The following CCDC88A variants were observed in gnomAD, a reference collection of about 807,000 sequenced individuals.
The protein encoded by CCDC88A is girdin.
CCDC88A carries 54 observed loss-of-function variants against 234.3 expected under a neutral mutation model. That is an observed-to-expected ratio of 0.23 (90% CI 0.19 to 0.29). The LOEUF (loss-of-function observed/expected upper bound fraction) is 0.29. Among genes scored for constraint, CCDC88A ranks in the 10% least tolerant of loss-of-function variants. CCDC88A has a pLI of 1.00. For missense variants in CCDC88A, 1,832 were observed against 2,123.4 expected, an observed-to-expected ratio of 0.86 and a Z score of 2.70; for synonymous variants, 753 against 737.8, an observed-to-expected ratio of 1.02 and a Z score of -0.33.
chr2:55,391,229 T>C (rs1266518680), intron 2 of CCDC88A, among the ~76,000 whole-genome samples: 4 of 152,134 alleles, frequency 2.6e-5, no homozygotes, highest in African/African-American at 4.8e-5. Flanking sequence ...AATCAGCAGC[T>C]GAGTAAAAGC....
chr2:55,418,995 C>T (rs746278940), intron 1 of CCDC88A, 22 bp downstream of exon 1: 20 of 1,605,978 alleles, frequency 1.2e-5, no homozygotes, highest in Middle Eastern at 3.3e-4. Context: ...GCAAAATATA[C>T]AATAAAGGAC....
Position 55,339,620 on chromosome 2 carries a change from C to G in CCDC88A, c.1362G>C (p.Val454=). 1 of 1,609,448 alleles carries G rather than the reference C, an allele frequency of 6.2e-7. No individual in the cohort carries two copies. The highest frequency in any genetic ancestry group is 8.5e-7 in the Non-Finnish European group (1 of 1,178,690). The change falls in exon 13 of 33, where the codon GTG becomes GTC. Residue 454 remains valine, a synonymous_variant. Coordinates refer to ENST00000436346, the MANE Select transcript of CCDC88A (RefSeq NM_001365480.1). ...ATAATCTACTTGATGTCAACTCATTCACCTCATGGCCCAGGGATTTCTGGG... is the reference window on the plus strand; with the variant it reads ...ATAATCTACTTGATGTCAACTCATTGACCTCATGGCCCAGGGATTTCTGGG... ...EAPQKSLGHE[V]NELTSSRLLK...
At chr2:55,306,765 G>A (rs1420920495) in intron 25 of CCDC88A, among the ~76,000 whole-genome samples, 1 of 151,902 alleles carries the variant, frequency 6.6e-6, no homozygotes, top group African/African-American at 2.4e-5. Context: ...TAGTAGACAC[G>A]AAGTTTCACC....
intron 17 of CCDC88A, among the ~76,000 whole-genome samples, chr2:55,327,672 T>G (rs150149661): frequency 1.7e-4 from 26 of 152,304 alleles, no homozygotes; most frequent in African/African-American, 5.8e-4. Flanking sequence ...GCAGAGATGA[T>G]AAAAGGGTGA....
At chr2:55,381,294 A>G (rs1328259607) in intron 3 of CCDC88A, among the ~76,000 whole-genome samples, 2 of 152,084 alleles carry the variant, frequency 1.3e-5, no homozygotes, top group Non-Finnish European at 2.9e-5. Context: ...GGTACACAAG[A>G]CTGGCTGAGC....
At chr2:55,296,697 C>G in intron 29 of CCDC88A, 174 bp from the exon 30 acceptor site, 1 of 629,308 alleles carries the variant, frequency 1.6e-6, no homozygotes, top group East Asian at 2.8e-5. Flanking sequence ...TAACAATTGT[C>G]TGCCATAGCC....
intron 23 of CCDC88A, among the ~76,000 whole-genome samples, chr2:55,311,956 G>A (rs1682402087): frequency 6.6e-6 from 1 of 152,068 alleles, no homozygotes; most frequent in Non-Finnish European, 1.5e-5. Flanking sequence ...GCTCCAGAAA[G>A]AACAATTAAT....
chr2:55,342,770 C>G (rs911468123), intron 12 of CCDC88A, among the ~76,000 whole-genome samples: 1 of 152,074 alleles, frequency 6.6e-6, no homozygotes, highest in Non-Finnish European at 1.5e-5. Context: ...GGTAATTATT[C>G]TGTAAGCACT....
At position 55,291,782 on chromosome 2, in the gene CCDC88A, G is replaced by A. The variant is rs1679473860; in HGVS notation, c.5552-7C>T. On this transcript the variant is annotated splice_polypyrimidine_tract_variant and splice_region_variant and intron_variant, in intron 31 of 32. Transcript: ENST00000436346. ...TCTTGTACTTTGTCCACATCTGCAG[G>A]AGAAAAGCATTTCATGTTATTTAGT... 6.2e-7 allele frequency: 1 copy of A among 1,606,526 alleles called. No homozygotes were observed. Among genetic ancestry groups the A allele is most frequent in the Non-Finnish European group, 8.5e-7 (1 of 1,174,880 alleles).
Position 55,301,973 on chromosome 2 carries a change from C to T in CCDC88A, c.4571G>A (p.Arg1524Lys), listed in dbSNP as rs2104572741. ...VPDDISTGKR[R>K]KELGAMAFST... ...GAAGGCCATAGCTCCCAATTCTTTT[C>T]TCCTTTTACCCGTTGAAATATCATC... The change falls in exon 27 of 33, where the codon AGA becomes AAA. Residue 1524 changes from arginine to lysine, a missense_variant. This residue lies in a region of CCDC88A where 422 missense variants were observed against 416.5 expected (regional missense o/e 1.01). Coordinates refer to ENST00000436346, the MANE Select transcript of CCDC88A (RefSeq NM_001365480.1). 1.2e-6 allele frequency: 2 copies of T among 1,614,120 alleles called. No individual in the cohort carries two copies. The highest frequency in any genetic ancestry group is 1.7e-6 in the Non-Finnish European group (2 of 1,179,970).
chr2:55,333,666 G>A (rs138368989), intron 15 of CCDC88A, among the ~76,000 whole-genome samples: 13 of 152,002 alleles, frequency 8.6e-5, no homozygotes, highest in Non-Finnish European at 1.8e-4. Context: ...GTATATATGT[G>A]TGTATATATA....
At chr2:55,413,682 G>T (rs561789999) in intron 2 of CCDC88A, among the ~76,000 whole-genome samples, 71 of 152,228 alleles carry the variant, frequency 4.7e-4, no homozygotes, top group South Asian at 4.2e-3. Flanking sequence ...ATAGAGTCAA[G>T]CAAAGAGTCA....
chr2:55,293,765 C>T (rs1456942723), intron 31 of CCDC88A: 1 of 152,056 alleles, frequency 6.6e-6, no homozygotes, highest in Non-Finnish European at 1.5e-5. Context: ...GTGTATTTCT[C>T]TGGAAGTAAA....
intron 31 of CCDC88A, chr2:55,294,820 G>A: frequency 9.7e-7 from 1 of 1,034,996 alleles, no homozygotes; most frequent in South Asian, 3.4e-5. Flanking sequence ...GAGCATGTAT[G>A]GTTAAGGTTT....
intron 2 of CCDC88A, among the ~76,000 whole-genome samples, chr2:55,408,862 T>G (rs1417830518): frequency 1.3e-5 from 2 of 152,170 alleles, no homozygotes; most frequent in Non-Finnish European, 2.9e-5. Flanking sequence ...ACACAACCTT[T>G]ACTCTGTAAG....
intron 18 of CCDC88A, chr2:55,321,134 A>G (rs541479565): frequency 4.0e-5 from 6 of 150,012 alleles, no homozygotes; most frequent in Admixed American, 3.3e-4. Context: ...AAAAAAAAAG[A>G]TAATAGATGG....
At chr2:55,363,330 T>C (rs1671552590) in intron 6 of CCDC88A, among the ~76,000 whole-genome samples, 1 of 151,978 alleles carries the variant, frequency 6.6e-6, no homozygotes, top group South Asian at 2.1e-4. Context: ...CTTTTCCCTT[T>C]TCTAATCAAC....
intron 2 of CCDC88A, chr2:55,399,556 G>C (rs1019569069): frequency 1.3e-5 from 2 of 150,272 alleles, no homozygotes; most frequent in East Asian, 3.9e-4. Context: ...TGGCACTCCA[G>C]AGAACTGAAC....
intron 11 of CCDC88A, 84 bp from the exon 12 acceptor site, chr2:55,343,876 T>C (rs41281503): frequency 3.5e-6 from 4 of 1,142,188 alleles, no homozygotes; most frequent in Non-Finnish European, 4.8e-6. Context: ...TCACAACTTT[T>C]ATTTATCAGA....
Sources: gnomAD v4.1 joint callset for allele counts (sites outside exome capture counted in the v4.1 genomes callset) on GRCh38, gnomAD v4.1.1 for gene constraint, gnomAD v4.1.1 regional missense constraint, MANE v1.5 for transcripts, NCBI Gene and HGNC (gene_info 2026-07-23, HGNC 2026-07-21) for gene names.